Variants in FSTL5 observed in about 807,000 individuals in gnomAD.
FSTL5 encodes the protein follistatin like 5.
A neutral mutation model predicts 89.1 loss-of-function variants in FSTL5; 62 were observed. The ratio of observed to expected loss-of-function variants is 0.70; its 90% confidence interval spans 0.57 to 0.86. FSTL5 has a LOEUF of 0.86. Ranked by LOEUF, FSTL5 falls within the 40% of genes least tolerant of loss-of-function variation. The pLI, the probability that FSTL5 is intolerant of heterozygous loss-of-function variation, is 0.00. For synonymous variants in FSTL5, 383 were observed against 346.2 expected, an observed-to-expected ratio of 1.11 and a Z score of -1.18; for missense variants, 1,057 against 1,001.6, an observed-to-expected ratio of 1.06 and a Z score of -0.75.
At chr4:161,462,640 G>A (rs1733620713) in intron 13 of FSTL5, among the ~76,000 whole-genome samples, 1 of 152,098 alleles carries the variant, frequency 6.6e-6, no homozygotes, top group Non-Finnish European at 1.5e-5. Context: ...GTTATTGTGA[G>A]TATTAGGTGA....
chr4:162,041,772 G>C (rs1737969173), intron 2 of FSTL5: 1 of 151,912 alleles, frequency 6.6e-6, no homozygotes, highest in East Asian at 1.9e-4. Context: ...ATCAAACTAG[G>C]ACAGAATTTA....
chr4:161,545,490 C>T (rs1196434626), intron 8 of FSTL5, among the ~76,000 whole-genome samples: 2 of 151,996 alleles, frequency 1.3e-5, no homozygotes, highest in Non-Finnish European at 2.9e-5. Flanking sequence ...TGATTTATCT[C>T]TTCTACCTTA....
intron 2 of FSTL5, among the ~76,000 whole-genome samples, chr4:162,037,012 T>C (rs1239106265): frequency 6.6e-6 from 1 of 151,944 alleles, no homozygotes; most frequent in Non-Finnish European, 1.5e-5. Context: ...TTATGTTTGT[T>C]GTTTATTGGC....
At chr4:162,157,155 A>G (rs1185708752) in intron 1 of FSTL5, among the ~76,000 whole-genome samples, 1 of 152,168 alleles carries the variant, frequency 6.6e-6, no homozygotes, top group East Asian at 1.9e-4. Flanking sequence ...AGAGAAAAAT[A>G]GAGAATAGGG....
intron 4 of FSTL5, among the ~76,000 whole-genome samples, chr4:161,802,152 A>G (rs922629428): frequency 1.3e-5 from 2 of 151,692 alleles, no homozygotes; most frequent in African/African-American, 4.8e-5. Flanking sequence ...TTTCCTTCAC[A>G]TGTACCTGAA....
chr4:161,761,660 T>C (rs1261804599), intron 5 of FSTL5, among the ~76,000 whole-genome samples: 1 of 152,226 alleles, frequency 6.6e-6, no homozygotes. Context: ...ATAAGACTAG[T>C]TTGATCTTGA....
chr4:161,523,622 C>G (rs1237351912), intron 10 of FSTL5, among the ~76,000 whole-genome samples: 1 of 152,080 alleles, frequency 6.6e-6, no homozygotes, highest in Non-Finnish European at 1.5e-5. Context: ...ATCCAATACA[C>G]GGATAAAGGA....
intron 2 of FSTL5, among the ~76,000 whole-genome samples, chr4:162,091,925 T>C (rs1196061355): frequency 8.6e-5 from 13 of 150,448 alleles, no homozygotes; most frequent in African/African-American, 3.2e-4. Context: ...ATGTATATTT[T>C]ATATTTTAGA....
chr4:162,108,605 T>C lies in FSTL5; in HGVS notation c.126+2666A>G, dbSNP rs897852259. Among the ~76,000 whole-genome samples the C allele has an allele frequency of 5.9e-5, 9 of 151,986 alleles. No individual in the cohort carries two copies. The East Asian group carries it at 1.7e-3, about 29-fold the overall frequency. ...CATTATTTGTCTTAAAATACAAATATTTACATTTTTGCAATTTAAATAAAT... is the reference window on the plus strand; with the variant it reads ...CATTATTTGTCTTAAAATACAAATACTTACATTTTTGCAATTTAAATAAAT... On this transcript the variant is annotated intron_variant, in intron 2 of 15. Transcript: ENST00000306100.
chr4:162,159,261 T>C (rs1431441177), intron 1 of FSTL5, among the ~76,000 whole-genome samples: 1 of 152,096 alleles, frequency 6.6e-6, no homozygotes, highest in Non-Finnish European at 1.5e-5. Flanking sequence ...CTACTGTATG[T>C]ATGTCTTAAT....
chr4:161,967,895 T>C (rs2111003710), intron 3 of FSTL5, among the ~76,000 whole-genome samples: 1 of 152,080 alleles, frequency 6.6e-6, no homozygotes, highest in East Asian at 1.9e-4. Flanking sequence ...CAAACAAATC[T>C]TGAAAGTGAT....
chr4:161,862,407 G>A (rs1479858759), intron 4 of FSTL5, among the ~76,000 whole-genome samples: 1 of 152,156 alleles, frequency 6.6e-6, no homozygotes, highest in East Asian at 1.9e-4. Flanking sequence ...GCCATATTCA[G>A]TGTAGGCTGG....
intron 4 of FSTL5, among the ~76,000 whole-genome samples, chr4:161,878,484 G>A (rs1732519892): frequency 6.6e-6 from 1 of 151,896 alleles, no homozygotes; most frequent in Admixed American, 6.6e-5. Context: ...ATGATTATAG[G>A]ACCTACTGAC....
chr4:161,978,181 T>G (rs1278511779), intron 3 of FSTL5, among the ~76,000 whole-genome samples: 4 of 152,202 alleles, frequency 2.6e-5, no homozygotes, highest in Non-Finnish European at 5.9e-5. Context: ...TTTCTAGACC[T>G]AACATTATTT....
At chr4:161,717,882 T>C (rs1162201119) in intron 6 of FSTL5, among the ~76,000 whole-genome samples, 1 of 152,170 alleles carries the variant, frequency 6.6e-6, no homozygotes, top group East Asian at 1.9e-4. Flanking sequence ...TCCTGTACAA[T>C]AGGTTATAGT....
chr4:162,071,966 CATT>C (rs1561003550), intron 2 of FSTL5, among the ~76,000 whole-genome samples: 1 of 151,644 alleles, frequency 6.6e-6, no homozygotes, highest in Admixed American at 6.6e-5. Context: ...TTAACACAAA[CATT>C]AGGTGCTAAT....
intron 4 of FSTL5, among the ~76,000 whole-genome samples, chr4:161,815,851 T>C (rs1484829408): frequency 6.6e-6 from 1 of 152,194 alleles, no homozygotes; most frequent in Non-Finnish European, 1.5e-5. Context: ...TTACCTAATA[T>C]GCTATTGAAG....
intron 1 of FSTL5, among the ~76,000 whole-genome samples, chr4:162,124,220 C>T (rs1731981367): frequency 6.6e-6 from 1 of 152,158 alleles, no homozygotes; most frequent in Admixed American, 6.5e-5. Context: ...ATAGCTATTA[C>T]ATTGAATTTA....
intron 15 of FSTL5, among the ~76,000 whole-genome samples, chr4:161,392,604 G>A (rs979381195): frequency 6.6e-6 from 1 of 152,138 alleles, no homozygotes; most frequent in African/African-American, 2.4e-5. Context: ...GAGATTAAGA[G>A]CTTAGGACAT....
Sources: gnomAD v4.1 joint callset for allele counts (sites outside exome capture counted in the v4.1 genomes callset) on GRCh38, gnomAD v4.1.1 for gene constraint, MANE v1.5 for transcripts, NCBI Gene and HGNC (gene_info 2026-07-23, HGNC 2026-07-21) for gene names.